Variants in PDZD2 observed in about 807,000 individuals in gnomAD.
PDZD2 encodes PDZ domain-containing protein 2.
Under a neutral mutation model 220.7 loss-of-function variants are expected in PDZD2, and 90 were observed. The ratio of observed to expected loss-of-function variants is 0.41; its 90% CI spans 0.34 to 0.49. PDZD2 has a LOEUF of 0.49. PDZD2 is among the 20% of genes least tolerant of loss of function. The probability of loss-of-function intolerance (pLI) is 0.28; values close to 1 mark genes in which losing one functional copy is unlikely to be tolerated. For synonymous variants in PDZD2, 1,375 were observed against 1,450.5 expected (o/e 0.95, Z 1.18); for missense variants, 3,174 against 3,608.5 (o/e 0.88, Z 3.08).
chr5:32,107,452 A>C (rs1744879484), intron 24 of PDZD2: 1 of 152,414 alleles, frequency 6.6e-6, no homozygotes, highest in South Asian at 2.1e-4. Flanking sequence ...AGCTACTCTG[A>C]AGGCTGAGGT....
chr5:31,806,372 C>G (rs911709580), intron 2 of PDZD2, among the ~76,000 whole-genome samples: 1 of 152,156 alleles, frequency 6.6e-6, no homozygotes. Context: ...ACCCCAGACC[C>G]GCTTTAGAGC....
chr5:31,799,756 G>C (rs776772405), intron 2 of PDZD2, 32 bp downstream of exon 2: 1 of 1,444,250 alleles, frequency 6.9e-7, no homozygotes, highest in Non-Finnish European at 9.7e-7. Context: ...TGGCACAGGG[G>C]CTGGACACGG....
chr5:31,737,007 C>T (rs1281224816), intron 1 of PDZD2, among the ~76,000 whole-genome samples: 1 of 151,904 alleles, frequency 6.6e-6, no homozygotes, highest in African/African-American at 2.4e-5. Flanking sequence ...GCTTCCTATA[C>T]AGCCTGCAGA....
At chr5:31,796,312 A>G (rs1754021462) in intron 1 of PDZD2, among the ~76,000 whole-genome samples, 2 of 152,210 alleles carry the variant, frequency 1.3e-5, no homozygotes, top group Non-Finnish European at 2.9e-5. Flanking sequence ...GCAGCAATGC[A>G]GCCCCGTCCA....
chr5:31,848,059 G>T, intron 2 of PDZD2: 2 of 363,048 alleles, frequency 5.5e-6, no homozygotes, highest in South Asian at 5.5e-5. Context: ...AGCAGAGGTG[G>T]AACTATCCCA....
chr5:31,894,985 G>A (rs1249892302), intron 2 of PDZD2, among the ~76,000 whole-genome samples: 1 of 152,120 alleles, frequency 6.6e-6, no homozygotes, highest in African/African-American at 2.4e-5. Flanking sequence ...CGCCTCCTGG[G>A]TTCAGCTGAT....
At position 32,108,101 on chromosome 5, in the gene PDZD2, A is replaced by G; in HGVS notation, c.8486A>G (p.Gln2829Arg). The part of the protein sequence containing the change: ...IMKSVPEGPV[Q>R]LLIRKHRNSS ...AAGTCTGTCCCAGAAGGACCTGTGCAGTTATTAATTAGAAAGCATAGGAAT... is the reference window on the plus strand; with the variant it reads ...AAGTCTGTCCCAGAAGGACCTGTGCGGTTATTAATTAGAAAGCATAGGAAT... The change falls in exon 25 of 25, where the codon CAG becomes CGG. Residue 2829 changes from glutamine (Q) to arginine (R), a missense_variant. Physicochemically the swap from Gln to Arg is conservative, Grantham distance 43. This residue lies in a region of PDZD2 where 631 missense variants were observed against 789.9 expected (regional missense o/e 0.80). Transcript: ENST00000438447. 2 of 1,608,824 alleles carry G rather than the reference A, an allele frequency of 1.2e-6. No individual in the cohort carries two copies. The highest frequency in any genetic ancestry group is 1.7e-6 in the Non-Finnish European group (2 of 1,176,570).
chr5:31,758,253 C>G (rs896134251), intron 1 of PDZD2, among the ~76,000 whole-genome samples: 3 of 152,222 alleles, frequency 2.0e-5, no homozygotes, highest in African/African-American at 7.2e-5. Context: ...AGGGGCTCAA[C>G]AAATCTTGTT....
intron 7 of PDZD2, among the ~76,000 whole-genome samples, chr5:32,044,077 C>T (rs1446027395): frequency 2.6e-5 from 4 of 151,944 alleles, no homozygotes; most frequent in Admixed American, 2.0e-4. Flanking sequence ...GCCTATAATC[C>T]CAGCACTTTG....
intron 2 of PDZD2, among the ~76,000 whole-genome samples, chr5:31,952,453 A>T (rs938742982): frequency 1.8e-4 from 27 of 152,218 alleles, no homozygotes; most frequent in African/African-American, 6.5e-4. Flanking sequence ...TACTTTAAAG[A>T]TTCAAAAGTG....
intron 1 of PDZD2, among the ~76,000 whole-genome samples, chr5:31,764,819 G>C (rs1751888934): frequency 6.6e-6 from 1 of 152,216 alleles, no homozygotes; most frequent in Non-Finnish European, 1.5e-5. Context: ...GCTCACACCT[G>C]TTATCCCAGC....
At chr5:31,737,795 C>A (rs1434642577) in intron 1 of PDZD2, among the ~76,000 whole-genome samples, 1 of 152,204 alleles carries the variant, frequency 6.6e-6, no homozygotes, top group Admixed American at 6.5e-5. Context: ...AAAACTGTAT[C>A]ATGACTACTT....
At chr5:31,670,743 G>A (rs555384571) in intron 1 of PDZD2, among the ~76,000 whole-genome samples, 2 of 152,238 alleles carry the variant, frequency 1.3e-5, no homozygotes, top group Admixed American at 6.5e-5. Context: ...TTTTAAAGCA[G>A]ACCTTGAGAT....
chr5:31,997,846 C>CT (rs1751762389), intron 4 of PDZD2, among the ~76,000 whole-genome samples: 5 of 151,870 alleles, frequency 3.3e-5, no homozygotes, highest in Admixed American at 6.6e-5. Flanking sequence ...TGGGGATGGT[C>CT]TTTTTTTCTT....
At chr5:31,916,908 A>G (rs1447698863) in intron 2 of PDZD2, among the ~76,000 whole-genome samples, 3 of 152,168 alleles carry the variant, frequency 2.0e-5, no homozygotes, top group African/African-American at 7.2e-5. Flanking sequence ...GCTAACTGTC[A>G]TCATGACAGG....
At chr5:31,953,602 C>T (rs1255205501) in intron 2 of PDZD2, among the ~76,000 whole-genome samples, 1 of 151,820 alleles carries the variant, frequency 6.6e-6, no homozygotes, top group African/African-American at 2.4e-5. Flanking sequence ...ATTGCTTGAG[C>T]CCAGGAGTTC....
chr5:31,669,157 C>T (rs1352564015), intron 1 of PDZD2, among the ~76,000 whole-genome samples: 4 of 151,860 alleles, frequency 2.6e-5, no homozygotes. Flanking sequence ...TGCCTGTAAT[C>T]CCACCTGTCT....
Position 32,108,388 on chromosome 5 carries a change from T to C in PDZD2, c.*253T>C, listed in dbSNP as rs1745007394. 2 of 285,134 alleles carry C rather than the reference T, an allele frequency of 7.0e-6. No individual in the cohort carries two copies. The highest frequency in any genetic ancestry group is 6.5e-6 in the Non-Finnish European group (1 of 154,368). 17.7% of individuals were successfully genotyped at this position (285,134 alleles called of 1,614,324 possible). ...TTCCAGTGCCTGTCCCCTACCTTTATGTTATGTTTACTGATGGGGATACAA... is the reference window on the plus strand; with the variant it reads ...TTCCAGTGCCTGTCCCCTACCTTTACGTTATGTTTACTGATGGGGATACAA... On this transcript the variant is annotated 3_prime_UTR_variant, in exon 25 of 25. Transcript: ENST00000438447.
intron 3 of PDZD2, among the ~76,000 whole-genome samples, chr5:31,991,933 T>C (rs1336300076): frequency 2.0e-5 from 3 of 152,178 alleles, no homozygotes; most frequent in Non-Finnish European, 2.9e-5. Flanking sequence ...CTCGGGAGGC[T>C]GAGGCAGGAG....
Sources: gnomAD v4.1 joint callset for allele counts (sites outside exome capture counted in the v4.1 genomes callset) on GRCh38, gnomAD v4.1.1 for gene constraint, gnomAD v4.1.1 regional missense constraint, MANE v1.5 for transcripts, NCBI Gene and HGNC (gene_info 2026-07-23, HGNC 2026-07-21) for gene names.